TSC22D1: variants seen among roughly 807,000 people sequenced by gnomAD.
TSC22D1 encodes TSC22 domain family member 1.
In TSC22D1, 9 loss-of-function variants were observed where a neutral mutation model predicts 74.2. The ratio of observed to expected loss-of-function variants is 0.12; its 90% CI spans 0.07 to 0.21. The LOEUF is 0.21. TSC22D1 is among the 10% of genes least tolerant of loss of function. The pLI is 1.00. For missense variants in TSC22D1, 1,427 were observed against 1,304.7 expected, an observed-to-expected ratio of 1.09 and a Z score of -1.44; for synonymous variants, 586 against 492.5, an observed-to-expected ratio of 1.19 and a Z score of -2.51.
chr13:44,436,701 T>C, intron 1 of TSC22D1: 1 of 1,519,120 alleles, frequency 6.6e-7, no homozygotes, highest in Non-Finnish European at 8.8e-7. Context: ...CTAGATAAAA[T>C]CTTCTGGCTT....
rs1879773725 is a variant in TSC22D1 at position 44,512,391 on chromosome 13, G to A, written c.2912+60772C>T. On this transcript the variant is annotated intron_variant, in intron 1 of 2. Coordinates refer to ENST00000458659, the MANE Select transcript of TSC22D1 (RefSeq NM_183422.4). Reference sequence around the variant, plus strand: ...TCACCGTGTTAGCCAGGATGGTCTCGATCTCCTGACCTCGTGATCCGCCCG... The same window carrying A: ...TCACCGTGTTAGCCAGGATGGTCTCAATCTCCTGACCTCGTGATCCGCCCG... Among the ~76,000 whole-genome samples the A allele has an allele frequency of 2.6e-5, 4 of 151,868 alleles. No homozygotes were observed. The South Asian group carries it at 8.3e-4, about 32-fold the overall frequency.
chr13:44,493,469 C>A (rs970560653), intron 1 of TSC22D1, among the ~76,000 whole-genome samples: 7 of 152,164 alleles, frequency 4.6e-5, no homozygotes, highest in African/African-American at 1.4e-4. Flanking sequence ...AATGAACAAA[C>A]CACCGTCACC....
intron 1 of TSC22D1, among the ~76,000 whole-genome samples, chr13:44,528,722 T>C (rs1880674042): frequency 6.6e-6 from 1 of 151,994 alleles, no homozygotes; most frequent in South Asian, 2.1e-4. Context: ...AAAATCTAGT[T>C]CTTTGATCAA....
At chr13:44,557,968 G>C (rs1007115346) in intron 1 of TSC22D1, among the ~76,000 whole-genome samples, 1 of 151,920 alleles carries the variant, frequency 6.6e-6, no homozygotes, top group Non-Finnish European at 1.5e-5. Context: ...TTAACCACTG[G>C]GGTAGAAACT....
intron 1 of TSC22D1, among the ~76,000 whole-genome samples, chr13:44,547,403 A>C (rs1366967386): frequency 6.6e-6 from 1 of 152,186 alleles, no homozygotes; most frequent in Non-Finnish European, 1.5e-5. Context: ...TCAAAAGGGA[A>C]AATCTTTCCT....
rs904867657 is a variant in TSC22D1 at position 44,576,090 on chromosome 13, G to C, written c.-16C>G. ...GCTGGTGCATTGTGTTGGGTACCGG[G>C]GGCGCGGAGGAGACGAGTGCAATTT... On this transcript the variant is annotated 5_prime_UTR_variant, in exon 1 of 3. Transcript: ENST00000458659. 7 of 1,512,134 alleles carry C rather than the reference G, an allele frequency of 4.6e-6. No homozygotes were observed. The highest frequency in any genetic ancestry group is 1.9e-4 in the Middle Eastern group (1 of 5,292). The allele number at this position is 1,512,134 out of a possible 1,614,324, so 93.7% of individuals were successfully genotyped here.
At chr13:44,570,064 G>C (rs1293154639) in intron 1 of TSC22D1, among the ~76,000 whole-genome samples, 3 of 152,078 alleles carry the variant, frequency 2.0e-5, no homozygotes, top group Non-Finnish European at 2.9e-5. Flanking sequence ...ATAGAAGTTT[G>C]ACCCATTTCA....
chr13:44,527,235 A>G (rs1016271188), intron 1 of TSC22D1, among the ~76,000 whole-genome samples: 2 of 152,192 alleles, frequency 1.3e-5, no homozygotes, highest in African/African-American at 4.8e-5. Context: ...ACAAAGGAAA[A>G]GCATTAAAGA....
intron 1 of TSC22D1, among the ~76,000 whole-genome samples, chr13:44,553,848 C>T (rs9533905): frequency 2.6e-5 from 4 of 152,212 alleles, no homozygotes; most frequent in South Asian, 2.1e-4. Context: ...GTAATGAATT[C>T]GCTATTTTCT....
intron 1 of TSC22D1, among the ~76,000 whole-genome samples, chr13:44,530,483 G>A (rs967872907): frequency 7.2e-5 from 11 of 151,888 alleles, no homozygotes; most frequent in Non-Finnish European, 1.2e-4. Context: ...AATCTAGGTG[G>A]CCTTAAATTT....
intron 1 of TSC22D1, among the ~76,000 whole-genome samples, chr13:44,529,115 AAAGAT>A (rs1380089062): frequency 1.3e-5 from 2 of 152,114 alleles, no homozygotes; most frequent in Non-Finnish European, 2.9e-5. Context: ...AGAACTAGAA[AAAGAT>A]AATACTAGAA....
intron 1 of TSC22D1, among the ~76,000 whole-genome samples, chr13:44,566,056 T>A (rs368120707): frequency 6.6e-6 from 1 of 152,198 alleles, no homozygotes; most frequent in African/African-American, 2.4e-5. Flanking sequence ...GTGATGACTT[T>A]ACCCACTTTT....
chr13:44,576,302 G>C lies in TSC22D1; in HGVS notation c.-228C>G. ...AGGGCGGCCGGGGACCCGAAGGGGG[G>C]ATCCCTTCAGTCCTTCGCCATTCAC... is the stretch of plus-strand genomic sequence containing the variant. On this transcript the variant is annotated 5_prime_UTR_variant, in exon 1 of 3. In the 5' UTR this introduces an upstream ATG that the reference lacks. Coordinates refer to ENST00000458659, the MANE Select transcript of TSC22D1 (RefSeq NM_183422.4). The C allele has an allele frequency of 1.7e-6, 1 of 580,186 alleles. No homozygotes were observed. 35.9% of individuals were successfully genotyped at this position (580,186 alleles called of 1,614,324 possible).
chr13:44,574,102 T>C lies in TSC22D1; in HGVS notation c.1973A>G (p.Gln658Arg), dbSNP rs1884000178. The change falls in exon 1 of 3, where the codon CAA (glutamine) becomes CGA (arginine). Residue 658 changes from glutamine to arginine, a missense_variant. Coordinates refer to ENST00000458659, the MANE Select transcript of TSC22D1 (RefSeq NM_183422.4). ...VTQNPASEYV[Q>R]QQPILQTAMS... The stretch of plus-strand genomic sequence containing the variant: ...TGCTGTTTGAAGAATTGGCTGCTGT[T>C]GTACATACTCTGAAGCAGGATTTTG... The C allele has an allele frequency of 1.2e-6, 2 of 1,614,244 alleles. No individual in the cohort carries two copies. Among genetic ancestry groups the C allele is most frequent in the East Asian group, 2.2e-5 (1 of 44,890 alleles).
intron 1 of TSC22D1, among the ~76,000 whole-genome samples, chr13:44,441,234 G>GA (rs1159077477): frequency 6.6e-6 from 1 of 152,200 alleles, no homozygotes; most frequent in African/African-American, 2.4e-5. Flanking sequence ...AGGGAAGATG[G>GA]AGAACTCCAG....
intron 1 of TSC22D1, among the ~76,000 whole-genome samples, chr13:44,488,487 G>A (rs116486810): frequency 0.016 from 2,386 of 151,856 alleles, 52 homozygotes; most frequent in African/African-American, 0.05. Flanking sequence ...TTTAAATTAC[G>A]CATAAGGCTA....
Position 44,574,237 on chromosome 13 carries a change from G to A in TSC22D1, c.1838C>T (p.Pro613Leu). 6.2e-7 allele frequency: 1 copy of A among 1,614,238 alleles called. No homozygotes were observed. Among genetic ancestry groups the A allele is most frequent in the Middle Eastern group, 1.6e-4 (1 of 6,062 alleles). The change falls in exon 1 of 3, where the codon CCA becomes CTA. Residue 613 changes from proline (P) to leucine (L), a missense_variant. Transcript: ENST00000458659. Reference sequence around the variant, plus strand: ...TGCCCCTGGAAGGGGAGTTTGCACTGGAGGAGCCGCCTGAGAATATGGTAG... The same window carrying A: ...TGCCCCTGGAAGGGGAGTTTGCACTAGAGGAGCCGCCTGAGAATATGGTAG... ...PQLPYSQAAP[P>L]VQTPLPGAPP...
chr13:44,481,240 G>C (rs73188768), intron 1 of TSC22D1, among the ~76,000 whole-genome samples: 53 of 152,260 alleles, frequency 3.5e-4, no homozygotes, highest in Non-Finnish European at 6.8e-4. Flanking sequence ...TTGAGACTTC[G>C]CAGTTAGGAA....
At chr13:44,457,516 C>T (rs1421654888) in intron 1 of TSC22D1, among the ~76,000 whole-genome samples, 1 of 151,214 alleles carries the variant, frequency 6.6e-6, no homozygotes, top group Non-Finnish European at 1.5e-5. Context: ...TCACAAACAA[C>T]GCATGGAAAT....
Sources: allele counts gnomAD v4.1 joint callset (sites outside exome capture counted in the v4.1 genomes callset), GRCh38; gene constraint gnomAD v4.1.1; transcripts MANE v1.5; gene names NCBI Gene and HGNC (gene_info 2026-07-23, HGNC 2026-07-21).